The following AP1M1 variants were observed in gnomAD, a reference collection of about 807,000 sequenced individuals.
The protein encoded by AP1M1 is AP-1 complex subunit mu-1.
AP1M1 carries 18 observed loss-of-function variants against 57.1 expected under a neutral mutation model. The observed-to-expected ratio is 0.32, with a 90% CI of 0.22 to 0.47. AP1M1 has a LOEUF of 0.47. Ranked by LOEUF, AP1M1 falls within the 20% of genes least tolerant of loss-of-function variation. AP1M1 has a pLI of 1.00. For missense variants in AP1M1, 362 were observed against 593.5 expected, an observed-to-expected ratio of 0.61 and a Z score of 4.05; for synonymous variants, 241 against 237.9, an observed-to-expected ratio of 1.01 and a Z score of -0.12.
In AP1M1 at chr19:16,206,322, A is replaced by G. The variant is rs760830967; in HGVS notation, c.200-19A>G. On this transcript the variant is annotated intron_variant, in intron 2 of 11. Transcript: ENST00000291439. This position sits in a 1 kb window ranked among gnomAD's most constrained non-coding sequence, Gnocchi z 4.3. ...CAGCCCCAGCCTCTGAATGCTCCTT[A>G]ACTGTGGCCGCCATGCAGTGGTTGC... The G allele has an allele frequency of 5.4e-5, 87 of 1,613,770 alleles. No individual in the cohort carries two copies. The highest frequency in any genetic ancestry group is 6.4e-5 in the Non-Finnish European group (76 of 1,179,842).
intron 5 of AP1M1, among the ~76,000 whole-genome samples, chr19:16,220,627 G>A (rs1184058440): frequency 1.3e-5 from 2 of 152,142 alleles, no homozygotes; most frequent in African/African-American, 4.8e-5. Context: ...CTGACCTCAA[G>A]TGATCTGCTC....
At position 16,233,586 on chromosome 19, in the gene AP1M1, G is replaced by A. The variant is rs754498704; in HGVS notation, c.1141G>A (p.Glu381Lys). The A allele has an allele frequency of 1.2e-6, 2 of 1,611,262 alleles. No homozygotes were observed. The highest frequency in any genetic ancestry group is 1.1e-5 in the South Asian group (1 of 90,338). Residue 381 changes from glutamate to lysine, a missense_variant, in exon 10 of 12, where the codon GAG (glutamate) becomes AAG (lysine). By Grantham distance (56) the Glu-to-Lys change is moderately conservative. This residue lies in a region of AP1M1 where 25 missense variants were observed against 82.4 expected (regional missense o/e 0.30). Transcript: ENST00000291439. ...CAAGCCCCCGATCAGTGTCAAGTTC[G>A]AGATCCCTTACTTCACTACCTCCGG... Reference protein sequence around the residue: ...EGKPPISVKFEIPYFTTSGIQ... With the variant: ...EGKPPISVKFKIPYFTTSGIQ...
At chr19:16,215,214 A>AGGG (rs1262651842) in intron 5 of AP1M1, among the ~76,000 whole-genome samples, 1 of 2,576 alleles carries the variant, frequency 3.9e-4, no homozygotes, top group African/African-American at 6.8e-4. Flanking sequence ...GGGGGGGGAG[A>AGGG]GGGGGGAGGG....
intron 1 of AP1M1, among the ~76,000 whole-genome samples, chr19:16,200,509 C>T (rs1362924904): frequency 1.3e-5 from 2 of 152,146 alleles, no homozygotes; most frequent in Admixed American, 1.3e-4. Context: ...CCAAGGCAGC[C>T]GTGGGCTTCC....
chr19:16,234,597 T>A lies in AP1M1; in HGVS notation c.*162T>A. ...CTTCCCCAGGCCATCTGCTCTGCCG[T>A]CGACACTCGTCTCAGAAGCCCCTTT... is the stretch of plus-strand genomic sequence containing the variant. On this transcript the variant is annotated 3_prime_UTR_variant, in exon 12 of 12. Transcript: ENST00000291439. 1 of 782,944 alleles carries A rather than the reference T, an allele frequency of 1.3e-6. No homozygotes were observed. Among genetic ancestry groups the A allele is most frequent in the Non-Finnish European group, 2.1e-6 (1 of 487,608 alleles). 48.5% of individuals were successfully genotyped at this position (782,944 alleles called of 1,614,324 possible). A position where few individuals can be genotyped will look rare whatever the true frequency, so the allele number is the denominator to read the frequency against.
Position 16,228,284 on chromosome 19 carries a change from G to T in AP1M1, c.888+76G>T. The T allele has an allele frequency of 2.7e-6, 4 of 1,462,242 alleles. No homozygotes were observed. The Admixed American group carries it at 5.4e-5, about 20-fold the overall frequency. 90.6% of individuals were successfully genotyped at this position (1,462,242 alleles called of 1,614,324 possible). A position where few individuals can be genotyped will look rare whatever the true frequency, so the allele number is the denominator to read the frequency against. On this transcript the variant is annotated intron_variant, in intron 8 of 11. Transcript: ENST00000291439. The surrounding 1 kb of genome is among the most constrained non-coding windows in gnomAD (Gnocchi z 5.0). ...TCCCAGGAGCCTAACCGAGGGCTGG[G>T]GGTGCCGTAGGGCTGCCATCCGTGC...
intron 5 of AP1M1, among the ~76,000 whole-genome samples, chr19:16,210,775 G>A (rs2091490170): frequency 6.6e-6 from 1 of 152,018 alleles, no homozygotes; most frequent in Non-Finnish European, 1.5e-5. Context: ...GGCCAGGCTG[G>A]TCTCGAACTC....
intron 5 of AP1M1, among the ~76,000 whole-genome samples, chr19:16,218,341 T>C (rs562406757): frequency 6.6e-6 from 1 of 152,302 alleles, no homozygotes; most frequent in South Asian, 2.1e-4. Context: ...TCACTACCAC[T>C]TCTTTAAGCA....
At chr19:16,231,287 CAAAA>C (rs1231125818) in intron 9 of AP1M1, among the ~76,000 whole-genome samples, 3 of 115,154 alleles carry the variant, frequency 2.6e-5, no homozygotes, top group Admixed American at 2.6e-4. Context: ...GACTCTGTCT[CAAAA>C]AAAAAAAAAA....
rs183120578 is a variant in AP1M1 at position 16,224,185 on chromosome 19, G to A, written c.547-2236G>A. ...CTTTCCGGGACGGGACAGTGGCCTC[G>A]CTAACCACATTCCCCTCTCCCCTGG... On this transcript the variant is annotated intron_variant, in intron 5 of 11. Transcript: ENST00000291439. Among the ~76,000 whole-genome samples, 128 of 152,350 alleles carry A rather than the reference G, an allele frequency of 8.4e-4. 1 individual carries two copies. Among genetic ancestry groups the A allele is most frequent in the African/African-American group, 2.8e-3 (118 of 41,584 alleles).
chr19:16,220,468 G>A (rs1021302307), intron 5 of AP1M1, among the ~76,000 whole-genome samples: 7 of 152,052 alleles, frequency 4.6e-5, no homozygotes, highest in East Asian at 1.9e-4. Flanking sequence ...ACAGCTCACC[G>A]CAACCTCTGC....
chr19:16,212,762 C>T (rs185899), intron 5 of AP1M1, among the ~76,000 whole-genome samples: 125,546 of 152,164 alleles, frequency 0.83, 51,941 homozygotes, highest in East Asian at 0.96. Context: ...TAACACTGCC[C>T]TAGCCGTGTC....
In AP1M1 at chr19:16,228,112, G is replaced by A. The variant is rs770319740; in HGVS notation, c.817-25G>A. On this transcript the variant is annotated intron_variant, in intron 7 of 11. Coordinates refer to ENST00000291439, the MANE Select transcript of AP1M1 (RefSeq NM_032493.4). This position sits in a 1 kb window ranked among gnomAD's most constrained non-coding sequence, Gnocchi z 5.0. ...CTTTGTCAAACAAGGCCAGGTGTGA[G>A]CACCCTCTTTGCCCTCCTTGGCAGG... The A allele has an allele frequency of 6.2e-7, 1 of 1,612,342 alleles. No individual in the cohort carries two copies. The highest frequency in any genetic ancestry group is 1.1e-5 in the South Asian group (1 of 91,036).
Position 16,234,657 on chromosome 19 carries a change from C to G in AP1M1, c.*222C>G. The G allele has an allele frequency of 1.6e-6, 1 of 608,158 alleles. No individual in the cohort carries two copies. The highest frequency in any genetic ancestry group is 2.9e-6 in the Non-Finnish European group (1 of 344,606). The allele number at this position is 608,158 out of a possible 1,614,324, so 37.7% of individuals were successfully genotyped here. On this transcript the variant is annotated 3_prime_UTR_variant, in exon 12 of 12. Coordinates refer to ENST00000291439, the MANE Select transcript of AP1M1 (RefSeq NM_032493.4). ...GGCTGGTCTTCAAGAAGTCTCGTTTCTTTGCCCCTGAAGTCAGTTTCAGGG... is the reference window on the plus strand; with the variant it reads ...GGCTGGTCTTCAAGAAGTCTCGTTTGTTTGCCCCTGAAGTCAGTTTCAGGG...
At chr19:16,215,512 C>T (rs948980709) in intron 5 of AP1M1, among the ~76,000 whole-genome samples, 2 of 148,748 alleles carry the variant, frequency 1.3e-5, no homozygotes, top group Non-Finnish European at 3.0e-5. Context: ...ATATAGGCCT[C>T]CAATCTCTTC....
intron 5 of AP1M1, among the ~76,000 whole-genome samples, chr19:16,216,007 A>T (rs1226532408): frequency 1.3e-5 from 2 of 152,076 alleles, no homozygotes; most frequent in African/African-American, 4.8e-5. Context: ...TGTGTTTTTC[A>T]GCTGTATCAG....
intron 1 of AP1M1, among the ~76,000 whole-genome samples, chr19:16,202,606 T>C (rs1472139832): frequency 6.6e-6 from 1 of 152,358 alleles, no homozygotes; most frequent in East Asian, 1.9e-4. Flanking sequence ...AGCTCTCGTT[T>C]GTCTGGTTTC....
At chr19:16,198,418 C>A (rs1599449248) in intron 1 of AP1M1, 1 of 170,756 alleles carries the variant, frequency 5.9e-6, no homozygotes, top group Non-Finnish European at 1.2e-5. Context: ...GGCAGGGCGT[C>A]CAGGGGCTGC....
intron 5 of AP1M1, among the ~76,000 whole-genome samples, chr19:16,219,429 C>T (rs1599460820): frequency 6.9e-6 from 1 of 145,360 alleles, no homozygotes. Context: ...TGGAATTTCG[C>T]TCTTGTTGCC....
Sources: gnomAD v4.1 joint callset for allele counts (sites outside exome capture counted in the v4.1 genomes callset) on GRCh38, gnomAD v4.1.1 for gene constraint, gnomAD v4.1.1 regional missense constraint, Gnocchi (gnomAD v3.1) non-coding constraint, MANE v1.5 for transcripts, NCBI Gene and HGNC (gene_info 2026-07-23, HGNC 2026-07-21) for gene names.